Variants in CYP7B1 observed in about 807,000 individuals in gnomAD.
The protein encoded by CYP7B1 is cytochrome P450 family 7 subfamily B member 1, also known as cytochrome P450 7B1.
Under a neutral mutation model 42.7 loss-of-function variants are expected in CYP7B1, and 29 were observed. The observed-to-expected ratio is 0.68, with a 90% CI of 0.51 to 0.93. CYP7B1 has a LOEUF of 0.93. CYP7B1 is among the 40% of genes least tolerant of loss of function. The pLI is 0.00. For synonymous variants in CYP7B1, 235 were observed against 218.2 expected (o/e 1.08, Z -0.68); for missense variants, 655 against 600.5 (o/e 1.09, Z -0.95).
intron 1 of CYP7B1, among the ~76,000 whole-genome samples, chr8:64,695,269 C>T (rs1412735666): frequency 6.6e-6 from 1 of 152,064 alleles, no homozygotes; most frequent in Non-Finnish European, 1.5e-5. Flanking sequence ...GAGGACTGAC[C>T]GGACATGAGC....
chr8:64,685,923 T>G (rs1334676359), intron 1 of CYP7B1, among the ~76,000 whole-genome samples: 2 of 20,500 alleles, frequency 9.8e-5, no homozygotes, highest in Admixed American at 4.2e-4. Context: ...GGGAGGGAGG[T>G]GGGGGGGTCA....
chr8:64,709,446 G>T (rs1479623813), intron 1 of CYP7B1, among the ~76,000 whole-genome samples: 1 of 152,086 alleles, frequency 6.6e-6, no homozygotes, highest in African/African-American at 2.4e-5. Flanking sequence ...GTGTTAAGAA[G>T]AATTAAATAT....
intron 1 of CYP7B1, among the ~76,000 whole-genome samples, chr8:64,736,345 G>A (rs1482293794): frequency 6.6e-6 from 1 of 152,064 alleles, no homozygotes; most frequent in Non-Finnish European, 1.5e-5. Context: ...GATGACACAC[G>A]AATGGATCAA....
At chr8:64,771,630 T>C (rs760311148) in intron 1 of CYP7B1, among the ~76,000 whole-genome samples, 4 of 152,188 alleles carry the variant, frequency 2.6e-5, no homozygotes, top group Non-Finnish European at 5.9e-5. Context: ...CAGGGGTCTT[T>C]TGATCCCTCC....
At position 64,615,345 on chromosome 8, in the gene CYP7B1, G is replaced by C. The variant is rs114253331; in HGVS notation, c.851-113C>G. On this transcript the variant is annotated intron_variant, in intron 3 of 5. Coordinates refer to ENST00000310193, the MANE Select transcript of CYP7B1 (RefSeq NM_004820.5). ...CAGACCCAGCCAAGGATCAGTGCATGCTAATGAGAACCAATAGGCTTCTGA... is the reference window on the plus strand; with the variant it reads ...CAGACCCAGCCAAGGATCAGTGCATCCTAATGAGAACCAATAGGCTTCTGA... 9.0e-4 allele frequency: 946 copies of C among 1,052,270 alleles called. 9 individuals are homozygous for C. The African/African-American group carries it at 0.014, about 15-fold the overall frequency. The allele number at this position is 1,052,270 out of a possible 1,614,324, so 65.2% of individuals were successfully genotyped here. A position where few individuals can be genotyped will look rare whatever the true frequency, so the allele number is the denominator to read the frequency against.
chr8:64,730,210 T>G (rs1469748035), intron 1 of CYP7B1, among the ~76,000 whole-genome samples: 2 of 152,032 alleles, frequency 1.3e-5, no homozygotes, highest in Non-Finnish European at 2.9e-5. Context: ...TACAGGCACA[T>G]GCCACCATGT....
chr8:64,634,622 TA>T (rs2129630804), intron 1 of CYP7B1, among the ~76,000 whole-genome samples: 1 of 151,538 alleles, frequency 6.6e-6, no homozygotes, highest in Non-Finnish European at 1.5e-5. Flanking sequence ...ATGTTGGTGT[TA>T]AAAGTGAAAT....
At chr8:64,730,747 G>T (rs1807395493) in intron 1 of CYP7B1, among the ~76,000 whole-genome samples, 2 of 94,548 alleles carry the variant, frequency 2.1e-5, no homozygotes, top group Admixed American at 2.4e-4. Flanking sequence ...AGCAAGGACT[G>T]TCTGCACACA....
chr8:64,602,852 T>C (rs1055815391), intron 5 of CYP7B1, among the ~76,000 whole-genome samples: 1 of 152,228 alleles, frequency 6.6e-6, no homozygotes, highest in East Asian at 1.9e-4. Context: ...CTGATATGTC[T>C]GAGAGTGGTA....
chr8:64,587,685 TTTC>T (rs1454520661), downstream of CYP7B1: 1 of 152,264 alleles, frequency 6.6e-6, no homozygotes, highest in African/African-American at 2.4e-5. Context: ...CAGGAGACTG[TTTC>T]TTAACTATTG....
intron 1 of CYP7B1, among the ~76,000 whole-genome samples, chr8:64,698,576 A>G (rs1806866998): frequency 6.6e-6 from 1 of 152,196 alleles, no homozygotes; most frequent in Non-Finnish European, 1.5e-5. Context: ...GACACAAAAT[A>G]ATTATATGAA....
chr8:64,598,608 G>A (rs969261425), intron 5 of CYP7B1, among the ~76,000 whole-genome samples: 1 of 152,106 alleles, frequency 6.6e-6, no homozygotes, highest in African/African-American at 2.4e-5. Flanking sequence ...TCATAAATAA[G>A]CCAGAAATCA....
chr8:64,722,598 A>G (rs1431440498), intron 1 of CYP7B1, among the ~76,000 whole-genome samples: 6 of 152,028 alleles, frequency 3.9e-5, no homozygotes, highest in Non-Finnish European at 8.8e-5. Context: ...ACATGGACAC[A>G]TGTTAATAGT....
chr8:64,726,405 A>C (rs1807325199), intron 1 of CYP7B1, among the ~76,000 whole-genome samples: 2 of 152,224 alleles, frequency 1.3e-5, no homozygotes, highest in Admixed American at 6.5e-5. Flanking sequence ...CTAATGGCCC[A>C]GTAATGAACC....
At chr8:64,752,294 T>G (rs1807739589) in intron 1 of CYP7B1, among the ~76,000 whole-genome samples, 2 of 152,138 alleles carry the variant, frequency 1.3e-5, no homozygotes, top group Non-Finnish European at 1.5e-5. Flanking sequence ...TATAAAGAAG[T>G]TTACTTACAA....
chr8:64,733,367 G>A (rs921438118), intron 1 of CYP7B1, among the ~76,000 whole-genome samples: 21 of 152,270 alleles, frequency 1.4e-4, no homozygotes, highest in African/African-American at 4.1e-4. Flanking sequence ...GATACACAGC[G>A]GCTTTTGATG....
chr8:64,666,084 G>A (rs925267768), intron 1 of CYP7B1, among the ~76,000 whole-genome samples: 3 of 152,130 alleles, frequency 2.0e-5, no homozygotes, highest in Admixed American at 6.5e-5. Context: ...AACTGTGATT[G>A]TTTCTAAGTA....
At chr8:64,742,090 G>A (rs1044961753) in intron 1 of CYP7B1, among the ~76,000 whole-genome samples, 14 of 152,062 alleles carry the variant, frequency 9.2e-5, no homozygotes, top group Admixed American at 8.5e-4. Flanking sequence ...ATGAAAAATA[G>A]AAAATTATGT....
chr8:64,588,501 A>G (rs140476277), downstream of CYP7B1, among the ~76,000 whole-genome samples: 15 of 152,338 alleles, frequency 9.8e-5, no homozygotes, highest in African/African-American at 3.6e-4. Context: ...AGGTGTTTAG[A>G]GATGAGAATT....
Sources: gnomAD v4.1 joint callset for allele counts (sites outside exome capture counted in the v4.1 genomes callset) on GRCh38, gnomAD v4.1.1 for gene constraint, MANE v1.5 for transcripts, NCBI Gene and HGNC (gene_info 2026-07-23, HGNC 2026-07-21) for gene names.